The following LSAMP variants were observed in gnomAD, a reference collection of about 807,000 sequenced individuals.
LSAMP encodes limbic system associated membrane protein.
In LSAMP, 7 loss-of-function variants were observed where a neutral mutation model predicts 38.6. The ratio of observed to expected loss-of-function variants is 0.18; its 90% CI spans 0.10 to 0.34. The LOEUF (loss-of-function observed/expected upper bound fraction) is 0.34. Among genes scored for constraint, LSAMP ranks in the 10% least tolerant of loss-of-function variants. The pLI is 1.00. For synonymous variants in LSAMP, 154 were observed against 166.8 expected (o/e 0.92, Z 0.59); for missense variants, 313 against 420.0 (o/e 0.75, Z 2.23).
intron 1 of LSAMP, among the ~76,000 whole-genome samples, chr3:116,292,653 T>C (rs2047283262): frequency 6.6e-6 from 1 of 152,184 alleles, no homozygotes; most frequent in South Asian, 2.1e-4. Flanking sequence ...TTCAACTCAG[T>C]GTACTTGATC....
At chr3:116,264,488 C>T (rs16824693) in intron 1 of LSAMP, among the ~76,000 whole-genome samples, 29,956 of 152,064 alleles carry the variant, frequency 0.2, 3,187 homozygotes, top group African/African-American at 0.23. Context: ...CTGAGAGGCT[C>T]ATGGGCGCTT....
chr3:116,060,080 T>C (rs1030658260), intron 2 of LSAMP, among the ~76,000 whole-genome samples: 11 of 152,216 alleles, frequency 7.2e-5, no homozygotes, highest in African/African-American at 2.7e-4. Flanking sequence ...GGATTTCCTT[T>C]TCCTTTCTTC....
At chr3:115,919,635 G>A (rs776678311) in intron 3 of LSAMP, among the ~76,000 whole-genome samples, 3 of 152,134 alleles carry the variant, frequency 2.0e-5, no homozygotes, top group Non-Finnish European at 4.4e-5. Context: ...TTTTTGAGAC[G>A]GAGTCTTGCT....
intron 1 of LSAMP, among the ~76,000 whole-genome samples, chr3:116,417,082 A>T (rs769898378): frequency 6.6e-6 from 1 of 152,098 alleles, no homozygotes; most frequent in Non-Finnish European, 1.5e-5. Flanking sequence ...TATTTGTTCA[A>T]ATCTCCCACA....
chr3:116,068,741 C>G (rs1483693724), intron 2 of LSAMP, among the ~76,000 whole-genome samples: 1 of 152,172 alleles, frequency 6.6e-6, no homozygotes, highest in Admixed American at 6.5e-5. Flanking sequence ...CTCCTGTGAA[C>G]TTGAATGTTA....
chr3:116,131,184 G>C (rs1338679942), intron 1 of LSAMP, among the ~76,000 whole-genome samples: 1 of 151,606 alleles, frequency 6.6e-6, no homozygotes, highest in African/African-American at 2.4e-5. Context: ...GTAGAGACAG[G>C]GTTTCACTGT....
chr3:116,181,031 C>A (rs948896786), intron 1 of LSAMP, among the ~76,000 whole-genome samples: 1 of 152,036 alleles, frequency 6.6e-6, no homozygotes, highest in African/African-American at 2.4e-5. Context: ...CTCCAAGTGA[C>A]TCTTTTAACC....
intron 2 of LSAMP, among the ~76,000 whole-genome samples, chr3:116,053,306 G>T (rs1251349596): frequency 1.3e-5 from 2 of 152,150 alleles, no homozygotes; most frequent in African/African-American, 4.8e-5. Flanking sequence ...TCTAGCTCAA[G>T]GTACTTCAGG....
chr3:116,061,759 G>T (rs1941598703), intron 2 of LSAMP, among the ~76,000 whole-genome samples: 1 of 151,996 alleles, frequency 6.6e-6, no homozygotes, highest in Non-Finnish European at 1.5e-5. Context: ...TTTTTGTTAT[G>T]TTATCTTAAT....
intron 2 of LSAMP, among the ~76,000 whole-genome samples, chr3:116,065,950 TGTTTATATAAG>T (rs1707418019): frequency 6.6e-6 from 1 of 152,242 alleles, no homozygotes; most frequent in African/African-American, 2.4e-5. Flanking sequence ...TACACTCATG[TGTTTATATAAG>T]GTTTATAGAT....
chr3:116,263,698 C>T (rs563185590), intron 1 of LSAMP, among the ~76,000 whole-genome samples: 29 of 151,626 alleles, frequency 1.9e-4, no homozygotes, highest in Admixed American at 7.9e-4. Context: ...TTTTTAAGTA[C>T]TGATCTAGAT....
At chr3:115,818,747 A>G (rs1934113133) in intron 6 of LSAMP, among the ~76,000 whole-genome samples, 1 of 135,714 alleles carries the variant, frequency 7.4e-6, no homozygotes, top group Non-Finnish European at 1.6e-5. Context: ...ATATATATAT[A>G]ATAAATTATA....
chr3:115,973,035 T>C (rs979773981), intron 3 of LSAMP, among the ~76,000 whole-genome samples: 20 of 152,078 alleles, frequency 1.3e-4, no homozygotes, highest in Admixed American at 9.8e-4. Flanking sequence ...AAGGACATGT[T>C]GTAGTTTAAA....
intron 1 of LSAMP, among the ~76,000 whole-genome samples, chr3:116,110,577 C>T (rs1042547624): frequency 2.2e-4 from 33 of 152,054 alleles, no homozygotes; most frequent in African/African-American, 6.3e-4. Context: ...TGAAGTGTGG[C>T]GCCAAGATTG....
chr3:115,937,365 G>A (rs1937738631), intron 3 of LSAMP, among the ~76,000 whole-genome samples: 1 of 152,244 alleles, frequency 6.6e-6, no homozygotes, highest in South Asian at 2.1e-4. Context: ...TCTTGGCCAG[G>A]CATGGTAGCT....
chr3:116,202,070 C>A (rs2045994348), intron 1 of LSAMP, among the ~76,000 whole-genome samples: 1 of 152,010 alleles, frequency 6.6e-6, no homozygotes, highest in African/African-American at 2.4e-5. Context: ...GTCATGACTA[C>A]CCTTATCCCA....
chr3:116,123,881 T>A (rs2107491967), intron 1 of LSAMP, among the ~76,000 whole-genome samples: 1 of 152,288 alleles, frequency 6.6e-6, no homozygotes, highest in Non-Finnish European at 1.5e-5. Flanking sequence ...GAAAAGACTA[T>A]TCACTAAGAA....
In LSAMP at chr3:116,113,400, CTATA is replaced by C. The variant is rs5851991; in HGVS notation, c.156-26848_156-26845del. On this transcript the variant is annotated intron_variant, in intron 1 of 6. Coordinates refer to ENST00000490035, the MANE Select transcript of LSAMP (RefSeq NM_002338.5). ...TAGAAATTTTAGAAATATGTTTGCC[CTATA>C]TATATATATATATATATTTTTTTTT... Among the ~76,000 whole-genome samples, 80 of 87,136 alleles carry C rather than the reference CTATA, an allele frequency of 9.2e-4. 3 individuals are homozygous for C. Among genetic ancestry groups the C allele is most frequent in the African/African-American group, 3.4e-3 (77 of 22,714 alleles). The allele number at this position is 87,136 out of a possible 152,430, so 57.2% of individuals were successfully genotyped here.
intron 1 of LSAMP, among the ~76,000 whole-genome samples, chr3:116,221,083 G>T (rs2046278615): frequency 7.5e-6 from 1 of 133,086 alleles, no homozygotes; most frequent in African/African-American, 2.7e-5. Flanking sequence ...AAGCCGGGAG[G>T]TGCAGCTTGC....
Sources: allele counts gnomAD v4.1 joint callset (sites outside exome capture counted in the v4.1 genomes callset), GRCh38; gene constraint gnomAD v4.1.1; transcripts MANE v1.5; gene names NCBI Gene and HGNC (gene_info 2026-07-23, HGNC 2026-07-21).